Variants in SVIL observed in about 807,000 individuals in gnomAD.
SVIL encodes supervillin.
SVIL carries 101 observed loss-of-function variants against 240.4 expected under a neutral mutation model. That is an observed-to-expected ratio of 0.42 (90% CI 0.36 to 0.50). The LOEUF (loss-of-function observed/expected upper bound fraction) is 0.50. Among genes scored for constraint, SVIL ranks in the 20% least tolerant of loss-of-function variants. The pLI, the probability that SVIL is intolerant of heterozygous loss-of-function variation, is 0.01. For synonymous variants in SVIL, 999 were observed against 1,100.0 expected (o/e 0.91, Z 1.82); for missense variants, 2,512 against 2,818.7 (o/e 0.89, Z 2.46).
intron 1 of SVIL, among the ~76,000 whole-genome samples, chr10:29,628,149 A>G (rs1005601798): frequency 2.0e-5 from 3 of 152,238 alleles, no homozygotes; most frequent in Non-Finnish European, 4.4e-5. Context: ...AAAATTCCTA[A>G]GAAAATTTAT....
intron 1 of SVIL, among the ~76,000 whole-genome samples, chr10:29,707,937 C>T (rs1478787098): frequency 6.6e-6 from 1 of 152,040 alleles, no homozygotes. Flanking sequence ...GTCTGGCCTG[C>T]TAAAATGATG....
At position 29,524,465 on chromosome 10, in the gene SVIL, C is replaced by T; in HGVS notation, c.2586+7G>A. The stretch of plus-strand genomic sequence containing the variant: ...CACAAACTGCAATCGGACTATAGCA[C>T]ACCCACCTGCTCCACCTCTCCCAGT... On this transcript the variant is annotated splice_region_variant and intron_variant, in intron 14 of 37. Transcript: ENST00000355867. 1 of 1,613,654 alleles carries T rather than the reference C, an allele frequency of 6.2e-7. No homozygotes were observed. Among genetic ancestry groups the T allele is most frequent in the East Asian group, 2.2e-5 (1 of 44,874 alleles).
intron 1 of SVIL, among the ~76,000 whole-genome samples, chr10:29,601,299 CA>C (rs1956802287): frequency 1.3e-5 from 2 of 152,210 alleles, no homozygotes; most frequent in African/African-American, 4.8e-5. Context: ...TACCCAATTC[CA>C]GAGCTGAAAC....
Position 29,471,190 on chromosome 10 carries a change from C to T in SVIL, c.5583G>A (p.Gly1861=), listed in dbSNP as rs777097646. The stretch of plus-strand genomic sequence containing the variant: ...GCCTCCCCGAGTGCACCACCATCCC[C>T]CCCTGGAAACACTGCAGGAAACAGG... ...EPPCFLQCFQ[G]GMVVHSGRRE... is the part of the protein sequence containing the mutation. Residue 1861 remains glycine, a synonymous_variant, in exon 31 of 38, where the codon GGG becomes GGA. Coordinates refer to ENST00000355867, the MANE Select transcript of SVIL (RefSeq NM_021738.3). 55 of 1,613,830 alleles carry T rather than the reference C, an allele frequency of 3.4e-5. No individual in the cohort carries two copies. Among genetic ancestry groups the T allele is most frequent in the Non-Finnish European group, 4.4e-5 (52 of 1,179,936 alleles).
intron 1 of SVIL, chr10:29,575,397 T>C (rs1295923879): frequency 4.6e-6 from 1 of 216,542 alleles, no homozygotes; most frequent in Middle Eastern, 6.1e-4. Context: ...AGGTAACAAT[T>C]GTGAGACAAG....
At chr10:29,466,948 T>C (rs924144053) in intron 33 of SVIL, among the ~76,000 whole-genome samples, 1 of 152,202 alleles carries the variant, frequency 6.6e-6, no homozygotes, top group African/African-American at 2.4e-5. Context: ...GGAGCAGTTA[T>C]GAGGATACTC....
At chr10:29,634,343 A>C (rs962478419) in intron 1 of SVIL, 77 bp downstream of exon 1, 1 of 152,168 alleles carries the variant, frequency 6.6e-6, no homozygotes, top group Non-Finnish European at 1.5e-5. Context: ...GACAGATGGC[A>C]CTTAAAAAAA....
chr10:29,631,160 A>G (rs1958074284), intron 1 of SVIL, among the ~76,000 whole-genome samples: 1 of 152,246 alleles, frequency 6.6e-6, no homozygotes, highest in Non-Finnish European at 1.5e-5. Flanking sequence ...AGGGGCATGA[A>G]AGACCCTGAA....
chr10:29,488,501 C>G, intron 23 of SVIL, 100 bp downstream of exon 23: 10 of 1,349,892 alleles, frequency 7.4e-6, no homozygotes, highest in Non-Finnish European at 9.6e-6. Flanking sequence ...GTGTGCGTTC[C>G]TTTCCCGGCA....
At chr10:29,557,784 C>G (rs1954075086) in intron 3 of SVIL, among the ~76,000 whole-genome samples, 1 of 152,152 alleles carries the variant, frequency 6.6e-6, no homozygotes, top group African/African-American at 2.4e-5. Context: ...TAGCCATCCA[C>G]TTCTGGGCAT....
At chr10:29,646,636 A>G (rs944342300) in intron 3 of SVIL, among the ~76,000 whole-genome samples, 1 of 152,236 alleles carries the variant, frequency 6.6e-6, no homozygotes, top group Non-Finnish European at 1.5e-5. Context: ...TGGGCAGTCC[A>G]GGATATGAAA....
chr10:29,586,334 T>C (rs1427204759), intron 1 of SVIL, among the ~76,000 whole-genome samples: 1 of 152,166 alleles, frequency 6.6e-6, no homozygotes. Flanking sequence ...ATTTATGGGG[T>C]ACGGAGTGAT....
Position 29,523,530 on chromosome 10 carries a change from G to A in SVIL, c.3084C>T (p.Asn1028=), listed in dbSNP as rs773236088. Residue 1028 remains asparagine, a synonymous_variant, in exon 15 of 38, where the codon AAC becomes AAT. Transcript: ENST00000355867. The part of the protein sequence containing the change: ...FSMAKMNAQG[N]LDLRDRLPFE... ...AGGGCAGCCTGTCCCTCAAGTCCAA[G>A]TTTCCTTGTGCATTCATTTTAGCCA... 5.6e-6 allele frequency: 9 copies of A among 1,614,136 alleles called. No individual in the cohort carries two copies. The Admixed American group carries it at 1.5e-4, about 27-fold the overall frequency.
chr10:29,608,928 T>C (rs1298972809), intron 1 of SVIL, among the ~76,000 whole-genome samples: 3 of 152,220 alleles, frequency 2.0e-5, no homozygotes, highest in Non-Finnish European at 4.4e-5. Context: ...ACTTCACTGA[T>C]GCCTTTTGGC....
chr10:29,736,023 G>A (rs956484374), upstream of SVIL, among the ~76,000 whole-genome samples: 5 of 152,170 alleles, frequency 3.3e-5, no homozygotes, highest in Admixed American at 6.5e-5. Context: ...ATCGGGCGGA[G>A]AGGGTGGGGA....
At chr10:29,473,231 G>C (rs1055808807) in intron 30 of SVIL, among the ~76,000 whole-genome samples, 27 of 152,134 alleles carry the variant, frequency 1.8e-4, no homozygotes, top group Admixed American at 1.3e-4. Flanking sequence ...GACAGTAAGG[G>C]AGTGACCCAA....
At position 29,507,869 on chromosome 10, in the gene SVIL, G is replaced by T. The variant is rs1949498069; in HGVS notation, c.3516+4866C>A. On this transcript the variant is annotated intron_variant, in intron 17 of 37. Coordinates refer to ENST00000355867, the MANE Select transcript of SVIL (RefSeq NM_021738.3). The stretch of plus-strand genomic sequence containing the variant: ...GAAAAGAGAAGATTTATCAGAGCGG[G>T]GCCGGGCAGGGACATGGGGGAGGGA... 9.4e-6 allele frequency: 7 copies of T among 743,122 alleles called. No individual in the cohort carries two copies. In the South Asian group the frequency reaches 3.0e-4, roughly 32 times the overall value. The allele number at this position is 743,122 out of a possible 1,614,324, so 46.0% of individuals were successfully genotyped here. A position where few individuals can be genotyped will look rare whatever the true frequency, so the allele number is the denominator to read the frequency against.
At chr10:29,553,851 A>G (rs1953629264) in intron 5 of SVIL, among the ~76,000 whole-genome samples, 1 of 152,226 alleles carries the variant, frequency 6.6e-6, no homozygotes, top group South Asian at 2.1e-4. Context: ...TCTCCAGAGT[A>G]AGAACCGTAC....
chr10:29,558,246 C>T (rs1404227732), intron 3 of SVIL, among the ~76,000 whole-genome samples: 4 of 152,178 alleles, frequency 2.6e-5, no homozygotes, highest in Non-Finnish European at 5.9e-5. Flanking sequence ...TAGAATCCAT[C>T]AACATAGTGG....
Sources: allele counts gnomAD v4.1 joint callset (sites outside exome capture counted in the v4.1 genomes callset), GRCh38; gene constraint gnomAD v4.1.1; transcripts MANE v1.5; gene names NCBI Gene and HGNC (gene_info 2026-07-23, HGNC 2026-07-21).